The following PALM2AKAP2 variants were observed in gnomAD, a reference collection of about 807,000 sequenced individuals.
PALM2AKAP2 encodes PALM2 and AKAP2 fusion.
PALM2AKAP2 carries 37 observed loss-of-function variants against 71.5 expected under a neutral mutation model. That is an observed-to-expected ratio of 0.52 (90% confidence interval 0.40 to 0.68). The LOEUF is 0.68. Among genes scored for constraint, PALM2AKAP2 ranks in the 30% least tolerant of loss-of-function variants. The pLI is 0.00. For missense variants in PALM2AKAP2, 1,224 were observed against 1,191.8 expected (o/e 1.03, Z -0.40); for synonymous variants, 468 against 478.8 (o/e 0.98, Z 0.29).
At position 109,963,821 on chromosome 9, in the gene PALM2AKAP2, T is replaced by C. The variant is rs1483709976; in HGVS notation, c.496+31793T>C. On this transcript the variant is annotated intron_variant, in intron 6 of 9. Transcript: ENST00000302798. ...CCCAAGGATGGGCCACTCTGAAGGG[T>C]GTACCAAAGGGAAGCAGTTTGCCTT... Among the ~76,000 whole-genome samples, 4 of 152,308 alleles carry C rather than the reference T, an allele frequency of 2.6e-5. No homozygotes were observed. In the East Asian group the frequency reaches 5.8e-4, roughly 22 times the overall value.
At position 109,925,224 on chromosome 9, in the gene PALM2AKAP2, C is replaced by A. The variant is rs149099847; in HGVS notation, c.394+142C>A. On this transcript the variant is annotated intron_variant, in intron 5 of 9. Coordinates refer to the PALM2AKAP2 transcript ENST00000302798. ...AAGTAGCAGCGCTGGTTGCAGGCCA[C>A]TGAGGAGGTCCACATTCCAAGCCTT... The A allele has an allele frequency of 2.3e-4, 291 of 1,276,154 alleles. No homozygotes were observed. The African/African-American group carries it at 4.1e-3, about 18-fold the overall frequency. 79.1% of individuals were successfully genotyped at this position (1,276,154 alleles called of 1,614,324 possible). A position where few individuals can be genotyped will look rare whatever the true frequency, so the allele number is the denominator to read the frequency against.
At chr9:109,871,359 G>T (rs548827164) in intron 2 of PALM2AKAP2, among the ~76,000 whole-genome samples, 1 of 152,192 alleles carries the variant, frequency 6.6e-6, no homozygotes, top group African/African-American at 2.4e-5. Flanking sequence ...TTGAACTCCA[G>T]GCCAAATTAA....
chr9:110,010,784 G>C (rs930973109), intron 6 of PALM2AKAP2, among the ~76,000 whole-genome samples: 1 of 148,614 alleles, frequency 6.7e-6, no homozygotes, highest in Non-Finnish European at 1.5e-5. Context: ...TGGATCACCT[G>C]AGGTCAAGAG....
At chr9:110,154,652 A>G (rs1193556972) in intron 2 of PALM2AKAP2, among the ~76,000 whole-genome samples, 2 of 152,246 alleles carry the variant, frequency 1.3e-5, no homozygotes, top group Non-Finnish European at 2.9e-5. Context: ...TTATTATTGT[A>G]CTGTTAATAT....
At chr9:109,794,079 A>G (rs146850739) in intron 1 of PALM2AKAP2, among the ~76,000 whole-genome samples, 1 of 152,238 alleles carries the variant, frequency 6.6e-6, no homozygotes, top group Non-Finnish European at 1.5e-5. Context: ...AGAAATCACT[A>G]TTGCCTCATT....
At chr9:109,915,132 C>T (rs1033782047) in intron 3 of PALM2AKAP2, among the ~76,000 whole-genome samples, 4 of 152,208 alleles carry the variant, frequency 2.6e-5, no homozygotes, top group African/African-American at 9.6e-5. Context: ...TAAACTTGAT[C>T]TCTGCCCTTT....
At chr9:109,925,258 C>G (rs1480014301) in intron 5 of PALM2AKAP2, among the ~76,000 whole-genome samples, 176 bp downstream of exon 5, 2 of 152,196 alleles carry the variant, frequency 1.3e-5, no homozygotes, top group African/African-American at 4.8e-5. Flanking sequence ...TTCCCTGCCT[C>G]TCTTCTTCAG....
intron 1 of PALM2AKAP2, among the ~76,000 whole-genome samples, chr9:109,672,808 C>T (rs115442359): frequency 0.014 from 2,101 of 151,890 alleles, 62 homozygotes; most frequent in African/African-American, 0.048. Context: ...TTCAGGGATT[C>T]CATTTCTTCC....
exon 1 of PALM2AKAP2, chr9:110,048,820 C>A: frequency 1.3e-6 from 2 of 1,531,924 alleles, no homozygotes; most frequent in Non-Finnish European, 1.7e-6. Flanking sequence ...TGGAGCAGAA[C>A]CCCAGGACTG....
At chr9:110,096,783 G>A (rs79564263) in intron 1 of PALM2AKAP2, among the ~76,000 whole-genome samples, 8,639 of 151,336 alleles carry the variant, frequency 0.057, 335 homozygotes, top group Non-Finnish European at 0.089. Flanking sequence ...GACTTTTTGT[G>A]GGGGGTTGGG....
chr9:110,020,311 T>C (rs1833051356), intron 7 of PALM2AKAP2, among the ~76,000 whole-genome samples: 1 of 152,206 alleles, frequency 6.6e-6, no homozygotes. Flanking sequence ...GCCTTCCATT[T>C]CCCTTGCCAT....
exon 4 of PALM2AKAP2, chr9:110,169,132 A>G (rs1326263772): frequency 1.3e-5 from 2 of 152,696 alleles, no homozygotes; most frequent in African/African-American, 2.4e-5. Flanking sequence ...ATAGTTCTTC[A>G]TGTCACAAAC....
At chr9:109,796,165 T>C (rs545071880) in intron 1 of PALM2AKAP2, among the ~76,000 whole-genome samples, 76 of 152,324 alleles carry the variant, frequency 5.0e-4, no homozygotes, top group Non-Finnish European at 9.3e-4. Context: ...CTTTTCAGAA[T>C]AGTGCTTAAA....
chr9:109,702,970 C>T, intron 1 of PALM2AKAP2, among the ~76,000 whole-genome samples: 1 of 152,010 alleles, frequency 6.6e-6, no homozygotes, highest in Non-Finnish European at 1.5e-5. Context: ...AGGCACATGC[C>T]AACAGGCCCA....
chr9:109,708,364 A>G (rs1167389183), intron 1 of PALM2AKAP2, among the ~76,000 whole-genome samples: 2 of 152,230 alleles, frequency 1.3e-5, no homozygotes, highest in African/African-American at 4.8e-5. Context: ...GAGGCTGACT[A>G]AAGACAAAAT....
intron 1 of PALM2AKAP2, among the ~76,000 whole-genome samples, chr9:109,849,624 C>T (rs1018549206): frequency 2.6e-5 from 4 of 152,162 alleles, no homozygotes; most frequent in East Asian, 3.9e-4. Context: ...GGCATGGTGG[C>T]GTGCACCTGT....
intron 1 of PALM2AKAP2, among the ~76,000 whole-genome samples, chr9:109,646,864 C>T (rs1022527223): frequency 5.3e-5 from 8 of 152,118 alleles, no homozygotes; most frequent in East Asian, 1.9e-4. Flanking sequence ...TGTGGCATTT[C>T]GTGTGCTCAG....
At chr9:110,111,712 ATT>A (rs1835257587) in intron 1 of PALM2AKAP2, among the ~76,000 whole-genome samples, 3 of 152,038 alleles carry the variant, frequency 2.0e-5, no homozygotes, top group African/African-American at 7.2e-5. Context: ...TTTTATTTTT[ATT>A]TTTATTTTTA....
chr9:110,034,604 CTTT>C (rs57708385), intron 7 of PALM2AKAP2, among the ~76,000 whole-genome samples: 21 of 118,314 alleles, frequency 1.8e-4, no homozygotes, highest in Middle Eastern at 0.012. Context: ...ATATATTCCC[CTTT>C]TTTTTTTTTT....
Sources: gnomAD v4.1 joint callset for allele counts (sites outside exome capture counted in the v4.1 genomes callset) on GRCh38, gnomAD v4.1.1 for gene constraint, MANE v1.5 for transcripts, NCBI Gene and HGNC (gene_info 2026-07-23, HGNC 2026-07-21) for gene names.